The following ARHGEF3 variants were observed in gnomAD, a reference collection of about 807,000 sequenced individuals.
ARHGEF3 encodes Rho guanine nucleotide exchange factor 3, also known as 59.8 kDA protein.
A neutral mutation model predicts 63.2 loss-of-function variants in ARHGEF3; 28 were observed. The ratio of observed to expected loss-of-function variants is 0.44; its 90% CI spans 0.33 to 0.61. The LOEUF (loss-of-function observed/expected upper bound fraction) is 0.61. ARHGEF3 is among the 20% of genes least tolerant of loss of function. The pLI is 0.03. For missense variants in ARHGEF3, 533 were observed against 659.3 expected (o/e 0.81, Z 2.10); for synonymous variants, 266 against 254.2 (o/e 1.05, Z -0.44).
At chr3:56,888,943 A>AG (rs774919007) in intron 3 of ARHGEF3, among the ~76,000 whole-genome samples, 1 of 152,076 alleles carries the variant, frequency 6.6e-6, no homozygotes, top group African/African-American at 2.4e-5. Flanking sequence ...AAAAATGACC[A>AG]GGGGGTCCCT....
At chr3:56,741,433 C>T (rs1335469921) in intron 7 of ARHGEF3, among the ~76,000 whole-genome samples, 3 of 149,938 alleles carry the variant, frequency 2.0e-5, no homozygotes, top group Non-Finnish European at 4.4e-5. Context: ...ATCCGCCTGC[C>T]TTGGCCTCCC....
At chr3:56,753,636 G>A in intron 3 of ARHGEF3, 70 bp from the exon 4 acceptor site, 1 of 1,391,914 alleles carries the variant, frequency 7.2e-7, no homozygotes, top group Non-Finnish European at 1.0e-6. Flanking sequence ...AATAGTGCTG[G>A]CTCCACCACT....
intron 2 of ARHGEF3, among the ~76,000 whole-genome samples, chr3:56,961,480 T>C (rs1026315875): frequency 2.8e-5 from 4 of 143,632 alleles, no homozygotes; most frequent in African/African-American, 7.3e-5. Flanking sequence ...GGGCAAAGCA[T>C]ACCCCTGAAA....
At chr3:56,977,211 A>G (rs1441671180) in intron 2 of ARHGEF3, 3 of 456,258 alleles carry the variant, frequency 6.6e-6, no homozygotes, top group East Asian at 6.9e-5. Context: ...CTGGCTGCCT[A>G]ATCCACAAGA....
intron 1 of ARHGEF3, among the ~76,000 whole-genome samples, chr3:56,800,904 C>T (rs1376461276): frequency 1.3e-5 from 2 of 152,228 alleles, no homozygotes; most frequent in African/African-American, 4.8e-5. Context: ...CTTTCTCCTC[C>T]AGCTGAACCC....
intron 2 of ARHGEF3, among the ~76,000 whole-genome samples, chr3:56,764,842 C>T (rs1272617989): frequency 2.6e-5 from 4 of 151,650 alleles, no homozygotes; most frequent in African/African-American, 4.8e-5. Flanking sequence ...CTGCAGCCTC[C>T]GCCTCCCGGG....
intron 1 of ARHGEF3, among the ~76,000 whole-genome samples, chr3:56,783,936 C>A (rs2107886443): frequency 6.6e-6 from 1 of 152,306 alleles, no homozygotes; most frequent in Admixed American, 6.5e-5. Context: ...ACATTCAATT[C>A]TCTTTACACA....
At chr3:56,761,162 T>C (rs557337879) in intron 2 of ARHGEF3, among the ~76,000 whole-genome samples, 10 of 152,296 alleles carry the variant, frequency 6.6e-5, no homozygotes, top group African/African-American at 1.7e-4. Context: ...AGCAGCCGTC[T>C]GGCCCCGGGG....
chr3:57,017,268 T>C (rs1703061243), intron 2 of ARHGEF3, among the ~76,000 whole-genome samples: 1 of 151,750 alleles, frequency 6.6e-6, no homozygotes. Context: ...GGGGGAAGGG[T>C]AGGGATGTAT....
chr3:57,073,536 A>G (rs1706049851), intron 1 of ARHGEF3: 40 of 1,259,528 alleles, frequency 3.2e-5, no homozygotes, highest in Non-Finnish European at 4.2e-5. Context: ...GCTCTGTTTG[A>G]GCACCCCGGG....
At chr3:57,053,052 C>T (rs1294588579) in intron 1 of ARHGEF3, among the ~76,000 whole-genome samples, 1 of 152,232 alleles carries the variant, frequency 6.6e-6, no homozygotes, top group African/African-American at 2.4e-5. Flanking sequence ...CTACCCACCA[C>T]CACCATTTAA....
chr3:56,886,393 C>T (rs186036103), intron 3 of ARHGEF3, among the ~76,000 whole-genome samples: 18 of 152,268 alleles, frequency 1.2e-4, no homozygotes. Context: ...GAAGAGAGAA[C>T]AGAAAGGACC....
intron 6 of ARHGEF3, among the ~76,000 whole-genome samples, chr3:56,747,807 G>A (rs2034482019): frequency 6.6e-6 from 1 of 152,194 alleles, no homozygotes; most frequent in African/African-American, 2.4e-5. Context: ...CTTGGCGACA[G>A]AGAGAGACTG....
chr3:56,848,206 T>C (rs992686839), intron 4 of ARHGEF3, among the ~76,000 whole-genome samples: 2 of 152,060 alleles, frequency 1.3e-5, no homozygotes, highest in African/African-American at 4.8e-5. Flanking sequence ...GATGAGGGAA[T>C]AGGTAAAAGA....
upstream of ARHGEF3, chr3:56,802,015 C>T: frequency 1.4e-6 from 2 of 1,437,638 alleles, no homozygotes; most frequent in Non-Finnish European, 1.8e-6. Flanking sequence ...GGGGGCGGGC[C>T]GCCGGCTCGG....
intron 8 of ARHGEF3, among the ~76,000 whole-genome samples, chr3:56,733,778 G>A (rs1670444807): frequency 6.6e-6 from 1 of 152,026 alleles, no homozygotes; most frequent in African/African-American, 2.4e-5. Context: ...GAGGTCAGGA[G>A]TTCAAGACCA....
intron 6 of ARHGEF3, among the ~76,000 whole-genome samples, chr3:56,750,237 C>T (rs1559902543): frequency 6.6e-6 from 1 of 152,172 alleles, no homozygotes; most frequent in Non-Finnish European, 1.5e-5. Context: ...CAGAAGGAAA[C>T]ATAAATGTGT....
chr3:56,730,719 G>A (rs1054686050), intron 9 of ARHGEF3, among the ~76,000 whole-genome samples: 1 of 152,100 alleles, frequency 6.6e-6, no homozygotes, highest in African/African-American at 2.4e-5. Flanking sequence ...GACATTTAAA[G>A]GGCCCTGCGT....
chr3:56,754,852 T>C (rs1200954957), intron 3 of ARHGEF3, 129 bp downstream of exon 3: 2 of 1,273,538 alleles, frequency 1.6e-6, no homozygotes, highest in Admixed American at 4.6e-5. Context: ...GGTCAGACAC[T>C]CTTGTTTATC....
Sources: gnomAD v4.1 joint callset for allele counts (sites outside exome capture counted in the v4.1 genomes callset) on GRCh38, gnomAD v4.1.1 for gene constraint, MANE v1.5 for transcripts, NCBI Gene and HGNC (gene_info 2026-07-23, HGNC 2026-07-21) for gene names.